The following OPRM1 variants were observed in gnomAD, a reference collection of about 807,000 sequenced individuals.
The protein encoded by OPRM1 is mu-type opioid receptor.
OPRM1 carries 27 observed loss-of-function variants against 31.8 expected under a neutral mutation model. That is an observed-to-expected ratio of 0.85 (90% CI 0.63 to 1.17). The LOEUF is 1.17. Among genes scored for constraint, OPRM1 ranks in the 50% most tolerant of loss-of-function variants. The pLI is 0.00. For missense variants in OPRM1, 536 were observed against 511.1 expected, an observed-to-expected ratio of 1.05 and a Z score of -0.47; for synonymous variants, 196 against 189.9, an observed-to-expected ratio of 1.03 and a Z score of -0.26.
intron 3 of OPRM1, among the ~76,000 whole-genome samples, chr6:154,142,974 T>G (rs903412517): frequency 2.0e-5 from 3 of 152,174 alleles, no homozygotes; most frequent in African/African-American, 7.2e-5. Flanking sequence ...AGTTCTTCCT[T>G]ACAATTCTTC....
intron 3 of OPRM1, chr6:154,199,534 G>T: frequency 2.8e-6 from 3 of 1,052,824 alleles, no homozygotes; most frequent in South Asian, 1.7e-5. Context: ...GCAACCTCTG[G>T]GCATAGCCCC....
intron 1 of OPRM1, among the ~76,000 whole-genome samples, chr6:154,055,192 G>A (rs1476128850): frequency 3.9e-5 from 6 of 152,068 alleles, no homozygotes; most frequent in Admixed American, 2.6e-4. Context: ...CTTCAAGACC[G>A]GCCTGGCCAT....
At chr6:154,167,488 C>T (rs1799534574) in intron 3 of OPRM1, among the ~76,000 whole-genome samples, 1 of 152,154 alleles carries the variant, frequency 6.6e-6, no homozygotes, top group Non-Finnish European at 1.5e-5. Flanking sequence ...GGATGCAGTC[C>T]TGAAGACTGG....
Position 154,129,919 on chromosome 6 carries a change from A to G in OPRM1, c.*11198A>G, listed in dbSNP as rs972409784. On this transcript the variant is annotated 3_prime_UTR_variant, in exon 4 of 4. Transcript: ENST00000330432. ...GAAATGGACCCGTGGGAATTATATG[A>G]TAGTTGTAATCAAAATAAAATGCAA... Among the ~76,000 whole-genome samples the G allele has an allele frequency of 1.3e-5, 2 of 151,480 alleles. No individual in the cohort carries two copies. Among genetic ancestry groups the G allele is most frequent in the African/African-American group, 4.9e-5 (2 of 41,044 alleles).
downstream of OPRM1, among the ~76,000 whole-genome samples, chr6:154,136,140 T>C (rs562153078): frequency 1.3e-5 from 2 of 152,090 alleles, no homozygotes; most frequent in Non-Finnish European, 2.9e-5. Flanking sequence ...TGGCTGAATA[T>C]GAATTTGTTG....
chr6:154,194,128 G>T (rs576069347), intron 3 of OPRM1, among the ~76,000 whole-genome samples: 2 of 152,294 alleles, frequency 1.3e-5, no homozygotes, highest in African/African-American at 4.8e-5. Context: ...CTAAAATCAC[G>T]GTGGCTCATG....
chr6:154,170,542 T>G (rs1489561452), intron 3 of OPRM1, among the ~76,000 whole-genome samples: 2 of 152,214 alleles, frequency 1.3e-5, no homozygotes, highest in Non-Finnish European at 2.9e-5. Context: ...TGACTTAAAA[T>G]GTTCATCAGC....
intron 3 of OPRM1, among the ~76,000 whole-genome samples, chr6:154,166,632 T>C (rs1452511314): frequency 6.6e-6 from 1 of 152,198 alleles, no homozygotes; most frequent in Non-Finnish European, 1.5e-5. Context: ...ATTTTAATCA[T>C]GTATTTGTTT....
At chr6:154,031,695 C>A (rs1035607679) in intron 1 of OPRM1, among the ~76,000 whole-genome samples, 2 of 152,020 alleles carry the variant, frequency 1.3e-5, no homozygotes, top group Non-Finnish European at 2.9e-5. Context: ...GAGCCGAGAT[C>A]GCGCCATTGC....
chr6:154,148,902 C>T (rs956319040), intron 3 of OPRM1, among the ~76,000 whole-genome samples: 1 of 152,196 alleles, frequency 6.6e-6, no homozygotes, highest in African/African-American at 2.4e-5. Context: ...TATACCCCTA[C>T]CTTAACACAG....
At chr6:154,216,225 A>G (rs1230372900) in intron 3 of OPRM1, among the ~76,000 whole-genome samples, 1 of 152,190 alleles carries the variant, frequency 6.6e-6, no homozygotes, top group Non-Finnish European at 1.5e-5. Context: ...TAATAAGAAA[A>G]TGGATAAATA....
At chr6:154,180,596 AGGCCCAGAATTT>A in intron 3 of OPRM1, among the ~76,000 whole-genome samples, 1 of 152,110 alleles carries the variant, frequency 6.6e-6, no homozygotes, top group East Asian at 1.9e-4. Flanking sequence ...ATGCCCCAGT[AGGCCCAGAATTT>A]GGCTGTCGAG....
At chr6:154,141,390 T>C (rs1300942931) in intron 3 of OPRM1, among the ~76,000 whole-genome samples, 1 of 152,176 alleles carries the variant, frequency 6.6e-6, no homozygotes, top group African/African-American at 2.4e-5. Context: ...TCCCAAATTA[T>C]TTCCTCTTGG....
chr6:154,133,230 T>C (rs1335465209), downstream of OPRM1, among the ~76,000 whole-genome samples: 4 of 152,360 alleles, frequency 2.6e-5, no homozygotes, highest in Non-Finnish European at 5.9e-5. Context: ...GAAAAAGCTA[T>C]GTCCCTATAT....
intron 1 of OPRM1, among the ~76,000 whole-genome samples, chr6:154,033,379 A>G (rs1480613952): frequency 6.6e-6 from 1 of 152,190 alleles, no homozygotes; most frequent in African/African-American, 2.4e-5. Context: ...CCAGTTTTTA[A>G]TGAAAATGGA....
chr6:154,241,901 C>A (rs779512344), intron 3 of OPRM1, among the ~76,000 whole-genome samples: 5 of 152,294 alleles, frequency 3.3e-5, no homozygotes, highest in South Asian at 4.1e-4. Context: ...CCCTAAGTCA[C>A]CTCTAAATGG....
At chr6:154,189,935 C>A (rs1801717975) in intron 3 of OPRM1, among the ~76,000 whole-genome samples, 1 of 146,972 alleles carries the variant, frequency 6.8e-6, no homozygotes, top group African/African-American at 2.6e-5. Context: ...CAGAGTAAGA[C>A]TCAGTCTCAA....
upstream of OPRM1, among the ~76,000 whole-genome samples, chr6:154,038,416 T>G (rs1257006454): frequency 1.3e-5 from 2 of 152,136 alleles, no homozygotes; most frequent in African/African-American, 4.8e-5. Context: ...GGTATAAAAT[T>G]CAAAAACGTA....
intron 3 of OPRM1, among the ~76,000 whole-genome samples, chr6:154,233,282 T>G (rs1292514680): frequency 6.6e-6 from 1 of 152,218 alleles, no homozygotes; most frequent in Non-Finnish European, 1.5e-5. Flanking sequence ...GCCATCCGAC[T>G]AGCTGTTTCT....
Sources: allele counts gnomAD v4.1 joint callset (sites outside exome capture counted in the v4.1 genomes callset), GRCh38; gene constraint gnomAD v4.1.1; transcripts MANE v1.5; gene names NCBI Gene and HGNC (gene_info 2026-07-23, HGNC 2026-07-21).